DACH1: variants seen among roughly 807,000 people sequenced by gnomAD.
DACH1 encodes dachshund family transcription factor 1, also known as dachshund homolog 1.
In DACH1, 12 loss-of-function variants were observed where a neutral mutation model predicts 54.2. That is an observed-to-expected ratio of 0.22 (90% CI 0.14 to 0.36). DACH1 has a LOEUF of 0.36. Ranked by LOEUF, DACH1 falls within the 10% of genes least tolerant of loss-of-function variation. The pLI is 1.00. For missense variants in DACH1, 805 were observed against 929.8 expected, an observed-to-expected ratio of 0.87 and a Z score of 1.75; for synonymous variants, 386 against 366.2, an observed-to-expected ratio of 1.05 and a Z score of -0.62.
intron 1 of DACH1, among the ~76,000 whole-genome samples, chr13:71,696,802 C>T (rs1341096328): frequency 6.6e-6 from 1 of 152,148 alleles, no homozygotes; most frequent in Non-Finnish European, 1.5e-5. Flanking sequence ...CCACCTCAGC[C>T]TCTCAAATGC....
At chr13:71,506,734 C>A (rs147715941) in intron 6 of DACH1, among the ~76,000 whole-genome samples, 1 of 151,962 alleles carries the variant, frequency 6.6e-6, no homozygotes, top group African/African-American at 2.4e-5. Flanking sequence ...CAGAACAGAG[C>A]CCTCAGAAAT....
intron 10 of DACH1, among the ~76,000 whole-genome samples, chr13:71,474,054 C>G (rs1877309979): frequency 6.6e-6 from 1 of 152,044 alleles, no homozygotes; most frequent in Admixed American, 6.6e-5. Context: ...TCTACAATAG[C>G]ATTAATCTTG....
At chr13:71,743,551 A>G (rs1313149297) in intron 1 of DACH1, among the ~76,000 whole-genome samples, 1 of 152,198 alleles carries the variant, frequency 6.6e-6, no homozygotes. Context: ...AGAGGGTTTC[A>G]GTATCTTGCT....
At chr13:71,856,847 G>A (rs1874035890) in intron 1 of DACH1, among the ~76,000 whole-genome samples, 1 of 151,854 alleles carries the variant, frequency 6.6e-6, no homozygotes, top group Non-Finnish European at 1.5e-5. Context: ...GCAAGAAGTG[G>A]TAATACACAT....
intron 7 of DACH1, among the ~76,000 whole-genome samples, chr13:71,480,228 T>C (rs1018762142): frequency 6.4e-4 from 98 of 152,258 alleles, no homozygotes; most frequent in African/African-American, 2.2e-3. Context: ...ATTTAAGCGA[T>C]CTAAAACTTG....
chr13:71,486,811 T>TC (rs1566289915), intron 7 of DACH1, among the ~76,000 whole-genome samples: 43 of 10,832 alleles, frequency 4.0e-3, no homozygotes, highest in South Asian at 0.029. Context: ...TATTTATTTA[T>TC]TTATCTATCT....
In DACH1 at chr13:71,577,990, T is replaced by C. The variant is rs775282812; in HGVS notation, c.1127-4978A>G. On this transcript the variant is annotated intron_variant, in intron 3 of 10. Coordinates refer to ENST00000613252, the MANE Select transcript of DACH1 (RefSeq NM_080759.6). ...CAAAGAGAAGTCCACAGTATTTCTA[T>C]GCATTTTAGATAGAAGACACATAAA... 4.9e-4 allele frequency among the ~76,000 whole-genome samples: 75 copies of C among 152,154 alleles called. 1 individual carries two copies. Among genetic ancestry groups the C allele is most frequent in the Non-Finnish European group, 1.8e-4 (12 of 68,016 alleles).
At chr13:71,482,810 T>G in intron 7 of DACH1, among the ~76,000 whole-genome samples, 1 of 149,012 alleles carries the variant, frequency 6.7e-6, no homozygotes, top group Admixed American at 6.7e-5. Context: ...TTTTTTTTTT[T>G]TTTTTTGAGA....
At chr13:71,779,013 C>A (rs1322592912) in intron 1 of DACH1, among the ~76,000 whole-genome samples, 1 of 151,330 alleles carries the variant, frequency 6.6e-6, no homozygotes, top group East Asian at 1.9e-4. Flanking sequence ...AACTTTGATA[C>A]CTTTTCTTCT....
intron 2 of DACH1, among the ~76,000 whole-genome samples, chr13:71,639,056 T>C (rs1414677032): frequency 6.6e-6 from 1 of 152,170 alleles, no homozygotes; most frequent in African/African-American, 2.4e-5. Flanking sequence ...ACAACTCAAT[T>C]GAAATCACTC....
intron 1 of DACH1, among the ~76,000 whole-genome samples, chr13:71,865,445 C>A (rs1874669098): frequency 6.6e-6 from 1 of 152,188 alleles, no homozygotes; most frequent in Admixed American, 6.5e-5. Flanking sequence ...GACCTCCCCC[C>A]GCCCCCGGGA....
At chr13:71,786,436 A>T (rs1886593950) in intron 1 of DACH1, among the ~76,000 whole-genome samples, 1 of 152,166 alleles carries the variant, frequency 6.6e-6, no homozygotes, top group South Asian at 2.1e-4. Flanking sequence ...ATTTTGTCAG[A>T]TGAGAAACAA....
intron 1 of DACH1, among the ~76,000 whole-genome samples, chr13:71,733,173 G>GA (rs1883827649): frequency 6.6e-6 from 1 of 152,094 alleles, no homozygotes; most frequent in African/African-American, 2.4e-5. Context: ...TTTGGTTATT[G>GA]TTTTTTGAGA....
At chr13:71,675,103 G>A (rs1334767711) in intron 2 of DACH1, 7 of 1,573,210 alleles carry the variant, frequency 4.4e-6, no homozygotes, top group Non-Finnish European at 6.1e-6. Flanking sequence ...ATCGACCGGT[G>A]GTAAAGCACC....
At chr13:71,570,233 T>A (rs1885114978) in intron 4 of DACH1, among the ~76,000 whole-genome samples, 1 of 152,152 alleles carries the variant, frequency 6.6e-6, no homozygotes, top group African/African-American at 2.4e-5. Flanking sequence ...CTCACTTGAT[T>A]TTTATCAGGT....
chr13:71,547,331 T>C (rs1883526247), intron 6 of DACH1, among the ~76,000 whole-genome samples: 1 of 152,080 alleles, frequency 6.6e-6, no homozygotes, highest in Non-Finnish European at 1.5e-5. Flanking sequence ...AACAGTAAAT[T>C]AGGAATGTAA....
At chr13:71,604,893 A>G (rs1249704160) in intron 3 of DACH1, among the ~76,000 whole-genome samples, 1 of 151,824 alleles carries the variant, frequency 6.6e-6, no homozygotes, top group Non-Finnish European at 1.5e-5. Flanking sequence ...GGGAACTAAA[A>G]CACCTCCTTT....
chr13:71,789,809 G>A (rs756529638), intron 1 of DACH1, among the ~76,000 whole-genome samples: 12 of 151,980 alleles, frequency 7.9e-5, no homozygotes, highest in Non-Finnish European at 1.0e-4. Context: ...CAATCAAACC[G>A]TGCCTTTTAT....
chr13:71,505,070 T>A (rs1880203958), intron 6 of DACH1, among the ~76,000 whole-genome samples: 1 of 152,030 alleles, frequency 6.6e-6, no homozygotes, highest in Non-Finnish European at 1.5e-5. Context: ...TAATTAGATA[T>A]CTCCTTCCTT....
Sources: gnomAD v4.1 joint callset for allele counts (sites outside exome capture counted in the v4.1 genomes callset) on GRCh38, gnomAD v4.1.1 for gene constraint, MANE v1.5 for transcripts, NCBI Gene and HGNC (gene_info 2026-07-23, HGNC 2026-07-21) for gene names.